DNMT3A: variants seen among roughly 807,000 people sequenced by gnomAD.
DNMT3A encodes DNA methyltransferase 3 alpha.
Under a neutral mutation model 117.6 loss-of-function variants are expected in DNMT3A, and 267 were observed. The ratio of observed to expected loss-of-function variants is 2.27; its 90% CI spans 2.05 to 2.51. DNMT3A has a LOEUF of 2.51. Among genes scored for constraint, DNMT3A ranks in the 30% most tolerant of loss-of-function variants. The pLI is 0.00. For synonymous variants in DNMT3A, 432 were observed against 474.8 expected, an observed-to-expected ratio of 0.91 and a Z score of 1.17; for missense variants, 1,029 against 1,260.2, an observed-to-expected ratio of 0.82 and a Z score of 2.78.
At chr2:25,271,876 G>T (rs576020474) in intron 6 of DNMT3A, among the ~76,000 whole-genome samples, 1 of 152,244 alleles carries the variant, frequency 6.6e-6, no homozygotes, top group Non-Finnish European at 1.5e-5. Flanking sequence ...AAGGGTTGAA[G>T]ACTTACTAGA....
Position 25,243,920 on chromosome 2 carries a change from A to G in DNMT3A, c.1914T>C (p.Ser638=). 1 of 1,552,064 alleles carries G rather than the reference A, an allele frequency of 6.4e-7. No individual in the cohort carries two copies. Among genetic ancestry groups the G allele is most frequent in the Non-Finnish European group, 8.7e-7 (1 of 1,147,100 alleles). Residue 638 remains serine (S), a synonymous_variant, in exon 16 of 23, where the codon TCT becomes TCC. Coordinates refer to ENST00000321117, the MANE Select transcript of DNMT3A (RefSeq NM_022552.5). The part of the protein sequence containing the change: ...AEKRKPIRVL[S]LFDGIATGLL... Reference sequence around the variant, plus strand: ...CACCTGTAGCGATTCCATCAAAGAGAGACAGCACCCGGATGGGCTTCCTCT... The same window carrying G: ...CACCTGTAGCGATTCCATCAAAGAGGGACAGCACCCGGATGGGCTTCCTCT...
rs1346377615 is a variant in DNMT3A, at chr2:25,337,680, G to A, written c.-178+4146C>T. Among the ~76,000 whole-genome samples, 4 of 152,298 alleles carry A rather than the reference G, an allele frequency of 2.6e-5. No individual in the cohort carries two copies. Among genetic ancestry groups the A allele is most frequent in the East Asian group, 1.9e-4 (1 of 5,186 alleles). On this transcript the variant is annotated intron_variant, in intron 1 of 22. Coordinates refer to ENST00000321117, the MANE Select transcript of DNMT3A (RefSeq NM_022552.5). This position sits in a 1 kb window ranked among gnomAD's most constrained non-coding sequence, Gnocchi z 5.0. The stretch of plus-strand genomic sequence containing the variant: ...CACAGACACATGTGCACTGAACCTC[G>A]TCTTGCCCACACACTTAGCCAAGTG...
chr2:25,298,509 A>G lies in DNMT3A; in HGVS notation c.177+1630T>C, dbSNP rs1411340050. 6.6e-6 allele frequency among the ~76,000 whole-genome samples: 1 copy of G among 152,088 alleles called. No homozygotes were observed. Among genetic ancestry groups the G allele is most frequent in the Admixed American group, 6.5e-5 (1 of 15,282 alleles). The stretch of plus-strand genomic sequence containing the variant: ...TTGTCCTCAGAAACTGGACGGGGAC[A>G]GGGGGAGTTTGCTTAGCATATTGCA... On this transcript the variant is annotated intron_variant, in intron 3 of 22. Coordinates refer to ENST00000321117, the MANE Select transcript of DNMT3A (RefSeq NM_022552.5). The surrounding 1 kb of genome is among the most constrained non-coding windows in gnomAD (Gnocchi z 4.3).
At chr2:25,320,938 C>A (rs1437902899) in intron 1 of DNMT3A, among the ~76,000 whole-genome samples, 1 of 152,106 alleles carries the variant, frequency 6.6e-6, no homozygotes, top group Non-Finnish European at 1.5e-5. Context: ...TCAAGACCAG[C>A]CTGACCAACA....
chr2:25,263,250 A>C (rs1676763382), intron 6 of DNMT3A, among the ~76,000 whole-genome samples: 1 of 151,988 alleles, frequency 6.6e-6, no homozygotes, highest in South Asian at 2.1e-4. Flanking sequence ...GAAATTCTCA[A>C]AGGATGCCTG....
chr2:25,332,631 C>T (rs778645499), intron 1 of DNMT3A, among the ~76,000 whole-genome samples: 27 of 152,230 alleles, frequency 1.8e-4, no homozygotes, highest in Non-Finnish European at 3.7e-4. Context: ...GCCAGCATCT[C>T]GCCATGCCGT....
intron 3 of DNMT3A, among the ~76,000 whole-genome samples, chr2:25,284,460 G>C (rs1171236558): frequency 6.6e-6 from 1 of 151,690 alleles, no homozygotes; most frequent in Non-Finnish European, 1.5e-5. Context: ...TTTGAGACCA[G>C]CCTGGCCAAC....
intron 6 of DNMT3A, among the ~76,000 whole-genome samples, chr2:25,267,530 T>G (rs1364576617): frequency 2.0e-5 from 3 of 152,228 alleles, no homozygotes; most frequent in Non-Finnish European, 4.4e-5. Flanking sequence ...GCCATGATCA[T>G]GCCATTGTAC....
At chr2:25,251,309 A>G (rs1242089446) in intron 6 of DNMT3A, among the ~76,000 whole-genome samples, 1 of 151,666 alleles carries the variant, frequency 6.6e-6, no homozygotes. Context: ...CAGGCAAACA[A>G]TAAGAGAAAC....
intron 22 of DNMT3A, 98 bp downstream of exon 22, chr2:25,235,609 T>G (rs1252227650): frequency 1.0e-6 from 1 of 960,128 alleles, no homozygotes. Context: ...AGGACGTTTG[T>G]GGAAAACAAG....
chr2:25,241,060 G>A (rs927557503), intron 17 of DNMT3A, among the ~76,000 whole-genome samples: 1 of 152,226 alleles, frequency 6.6e-6, no homozygotes, highest in African/African-American at 2.4e-5. Context: ...TCTGGGCCAT[G>A]TGAATGTCCT....
Position 25,247,409 on chromosome 2 carries a change from T to G in DNMT3A, c.1014+182A>C, listed in dbSNP as rs1314018868. Reference sequence around the variant, plus strand: ...GCTAAAACTGGGCCAGCATCCTAGCTCTCTGAGCCACAGGTGCAACCTAAT... The same window carrying G: ...GCTAAAACTGGGCCAGCATCCTAGCGCTCTGAGCCACAGGTGCAACCTAAT... On this transcript the variant is annotated intron_variant, in intron 8 of 22. Transcript: ENST00000321117. This position sits in a 1 kb window ranked among gnomAD's most constrained non-coding sequence, Gnocchi z 5.6. 3 of 1,016,296 alleles carry G rather than the reference T, an allele frequency of 3.0e-6. No individual in the cohort carries two copies. Among genetic ancestry groups the G allele is most frequent in the Admixed American group, 2.8e-5 (1 of 35,488 alleles). The allele number at this position is 1,016,296 out of a possible 1,614,324, so 63.0% of individuals were successfully genotyped here.
intron 1 of DNMT3A, among the ~76,000 whole-genome samples, chr2:25,317,637 G>A (rs968465839): frequency 6.6e-6 from 1 of 152,256 alleles, no homozygotes; most frequent in African/African-American, 2.4e-5. Flanking sequence ...AGGTTTATCT[G>A]TAGTCACTGG....
chr2:25,246,456 G>C, intron 10 of DNMT3A, 147 bp from the exon 11 acceptor site: 1 of 1,425,118 alleles, frequency 7.0e-7, no homozygotes, highest in Non-Finnish European at 9.5e-7. Flanking sequence ...CCAACAGAGA[G>C]CAGGTCATTC....
chr2:25,332,020 A>C (rs2035031609), intron 1 of DNMT3A, among the ~76,000 whole-genome samples: 1 of 152,048 alleles, frequency 6.6e-6, no homozygotes, highest in South Asian at 2.1e-4. Context: ...TACTGACTGC[A>C]CTTCCTAAAT....
Position 25,247,686 on chromosome 2 carries a change from G to T in DNMT3A, c.919C>A (p.Pro307Thr). Residue 307 changes from proline to threonine, a missense_variant, in exon 8 of 23, where the codon CCA (proline) becomes ACA (threonine). Physicochemically the swap from Pro to Thr is conservative, Grantham distance 38. Transcript: ENST00000321117. This position sits in a 1 kb window ranked among gnomAD's most constrained non-coding sequence, Gnocchi z 5.6. ...ATCCACCAAGACACAATGCGGCCTGGCCACCAGGAGAAGCCCCGCAGTTTC... is the reference window on the plus strand; with the variant it reads ...ATCCACCAAGACACAATGCGGCCTGTCCACCAGGAGAAGCCCCGCAGTTTC... ...WGKLRGFSWW[P>T]GRIVSWWMTG... 1.2e-6 allele frequency: 2 copies of T among 1,613,684 alleles called. No individual in the cohort carries two copies. The highest frequency in any genetic ancestry group is 1.7e-6 in the Non-Finnish European group (2 of 1,179,968).
chr2:25,276,311 C>T (rs1322658625), intron 4 of DNMT3A, among the ~76,000 whole-genome samples: 1 of 152,124 alleles, frequency 6.6e-6, no homozygotes, highest in Non-Finnish European at 1.5e-5. Context: ...CCTCTCCTGG[C>T]CTGTTTTCCC....
At chr2:25,307,459 C>CTTTTTTTT (rs35144977) in intron 2 of DNMT3A, among the ~76,000 whole-genome samples, 5 of 79,092 alleles carry the variant, frequency 6.3e-5, no homozygotes, top group African/African-American at 1.5e-4. Context: ...CACACCGCAG[C>CTTTTTTTT]TTTTTTTTTT....
At position 25,230,464 on chromosome 2, in the gene DNMT3A, G is replaced by A. The variant is rs902722448; in HGVS notation, c.*3815C>T. ...GCTGTCATCAGCCCCCAGAACCCTT[G>A]TTTCTAAGGGGGAAATGGGCCTACT... On this transcript the variant is annotated 3_prime_UTR_variant, in exon 23 of 23. Transcript: ENST00000321117. 3 of 152,190 alleles carry A rather than the reference G, an allele frequency of 2.0e-5. No individual in the cohort carries two copies. Among genetic ancestry groups the A allele is most frequent in the African/African-American group, 7.2e-5 (3 of 41,444 alleles). 9.4% of individuals were successfully genotyped at this position (152,190 alleles called of 1,614,324 possible). A position where few individuals can be genotyped will look rare whatever the true frequency, so the allele number is the denominator to read the frequency against.
Sources: allele counts gnomAD v4.1 joint callset (sites outside exome capture counted in the v4.1 genomes callset), GRCh38; gene constraint gnomAD v4.1.1; non-coding constraint Gnocchi (gnomAD v3.1); transcripts MANE v1.5; gene names NCBI Gene and HGNC (gene_info 2026-07-23, HGNC 2026-07-21).